Variants in ENTPD4 observed in about 807,000 individuals in gnomAD.
ENTPD4 encodes ectonucleoside triphosphate diphosphohydrolase 4, also known as Golgi UDPase.
In ENTPD4, 60 loss-of-function variants were observed where a neutral mutation model predicts 79.1. The observed-to-expected ratio is 0.76, with a 90% CI of 0.62 to 0.94. The LOEUF is 0.94. ENTPD4 is among the 40% of genes least tolerant of loss of function. The pLI is 0.00. For missense variants in ENTPD4, 772 were observed against 775.1 expected (o/e 1.00, Z 0.05); for synonymous variants, 276 against 292.0 (o/e 0.95, Z 0.56).
intron 4 of ENTPD4, 45 bp from the exon 5 acceptor site, chr8:23,444,651 A>G (rs2272640): frequency 0.34 from 525,950 of 1,564,978 alleles, 92,932 homozygotes; most frequent in African/African-American, 0.63. Flanking sequence ...TATTTTAGCT[A>G]TAACATGTGA....
intron 11 of ENTPD4, among the ~76,000 whole-genome samples, chr8:23,435,121 G>A (rs1047519271): frequency 6.6e-6 from 1 of 152,214 alleles, no homozygotes; most frequent in Non-Finnish European, 1.5e-5. Context: ...ACAGCCTCTG[G>A]CTGGACTCTG....
chr8:23,441,168 AATC>A (rs1182881107), intron 8 of ENTPD4, among the ~76,000 whole-genome samples: 1 of 152,186 alleles, frequency 6.6e-6, no homozygotes, highest in African/African-American at 2.4e-5. Context: ...TACAAACCTC[AATC>A]TTCCCCAAGG....
chr8:23,441,819 T>C (rs1800676865), intron 7 of ENTPD4, 96 bp from the exon 8 acceptor site: 3 of 1,419,576 alleles, frequency 2.1e-6, no homozygotes, highest in South Asian at 1.3e-5. Context: ...ATTTCAAGCA[T>C]ATTCAGGCAA....
chr8:23,449,811 C>G, intron 2 of ENTPD4, 82 bp downstream of exon 2: 1 of 1,236,750 alleles, frequency 8.1e-7, no homozygotes, highest in East Asian at 2.3e-5. Context: ...TTTTCACTTG[C>G]GATTTAGATT....
rs1280652267 is a variant in ENTPD4 at position 23,430,305 on chromosome 8, T to C, written c.*2621A>G. 2 of 985,350 alleles carry C rather than the reference T, an allele frequency of 2.0e-6. No homozygotes were observed. The highest frequency in any genetic ancestry group is 2.4e-6 in the Non-Finnish European group (2 of 829,950). 61.0% of individuals were successfully genotyped at this position (985,350 alleles called of 1,614,324 possible). ...TTGGGTGAGGGGCAGGTTTCTTGGT[T>C]TGTTTCAAAACTCATCTTGAAAATA... is the stretch of plus-strand genomic sequence containing the variant. On this transcript the variant is annotated 3_prime_UTR_variant, in exon 13 of 13. Coordinates refer to ENST00000358689, the MANE Select transcript of ENTPD4 (RefSeq NM_004901.5).
Position 23,431,638 on chromosome 8 carries a change from G to A in ENTPD4, c.*1288C>T. Reference sequence around the variant, plus strand: ...TGCGGTTAGGAAGAGGACTCGGCAGGCTGTGCATGGGGTCTCCCAGTACGA... The same window carrying A: ...TGCGGTTAGGAAGAGGACTCGGCAGACTGTGCATGGGGTCTCCCAGTACGA... On this transcript the variant is annotated 3_prime_UTR_variant, in exon 13 of 13. Transcript: ENST00000358689. 5 of 985,426 alleles carry A rather than the reference G, an allele frequency of 5.1e-6. No individual in the cohort carries two copies. The highest frequency in any genetic ancestry group is 4.8e-6 in the Non-Finnish European group (4 of 829,934). 61.0% of individuals were successfully genotyped at this position (985,426 alleles called of 1,614,324 possible). A position where few individuals can be genotyped will look rare whatever the true frequency, so the allele number is the denominator to read the frequency against.
At position 23,432,968 on chromosome 8, in the gene ENTPD4, C is replaced by T. The variant is rs1413864075; in HGVS notation, c.1809G>A (p.Met603Ile). ...CATTCTGGGCGGGAAGGCCCTCCTC[C>T]ATCCAGAGGGCGGCGGCCGAGCTGC... ...PRSSSAAALW[M>I]EEGLPAQNAP... The change falls in exon 13 of 13, where the codon ATG (methionine) becomes ATA (isoleucine). Residue 603 changes from methionine (M) to isoleucine (I), a missense_variant. Physicochemically the swap from Met to Ile is conservative, Grantham distance 10. Coordinates refer to ENST00000358689, the MANE Select transcript of ENTPD4 (RefSeq NM_004901.5). 2 of 1,612,816 alleles carry T rather than the reference C, an allele frequency of 1.2e-6. No homozygotes were observed. The highest frequency in any genetic ancestry group is 1.1e-5 in the South Asian group (1 of 90,934).
At position 23,432,980 on chromosome 8, in the gene ENTPD4, G is replaced by T. The variant is rs778905365; in HGVS notation, c.1797C>A (p.Ala599=). ...HRRTPRSSSA[A]ALWMEEGLPA... is the part of the protein sequence containing the mutation. The stretch of plus-strand genomic sequence containing the variant: ...GAAGGCCCTCCTCCATCCAGAGGGC[G>T]GCGGCCGAGCTGCTCCGGGGAGTGC... Residue 599 remains alanine (A), a synonymous_variant, in exon 13 of 13, where the codon GCC becomes GCA. Transcript: ENST00000358689. 5 of 1,613,280 alleles carry T rather than the reference G, an allele frequency of 3.1e-6. No homozygotes were observed. The highest frequency in any genetic ancestry group is 4.5e-5 in the East Asian group (2 of 44,862).
intron 1 of ENTPD4, among the ~76,000 whole-genome samples, chr8:23,456,702 C>A (rs972150286): frequency 6.6e-6 from 1 of 152,170 alleles, no homozygotes; most frequent in African/African-American, 2.4e-5. Context: ...AAACCTGATA[C>A]AAAAACATCA....
chr8:23,454,806 C>G (rs1320519028), intron 1 of ENTPD4, among the ~76,000 whole-genome samples: 2 of 152,000 alleles, frequency 1.3e-5, no homozygotes, highest in Admixed American at 6.6e-5. Context: ...GAAAATAGGA[C>G]AGCTTATAAC....
At chr8:23,449,347 G>A (rs1444264522) in intron 2 of ENTPD4, among the ~76,000 whole-genome samples, 3 of 152,190 alleles carry the variant, frequency 2.0e-5, no homozygotes, top group East Asian at 1.9e-4. Flanking sequence ...AAGGCATGTC[G>A]TAAGCTGGGC....
chr8:23,438,054 A>G (rs1800603206), intron 9 of ENTPD4, among the ~76,000 whole-genome samples: 1 of 152,222 alleles, frequency 6.6e-6, no homozygotes, highest in African/African-American at 2.4e-5. Flanking sequence ...GATGCCCTGT[A>G]GAAAATAAAC....
intron 7 of ENTPD4, 24 bp downstream of exon 7, chr8:23,441,983 A>C: frequency 6.3e-7 from 1 of 1,592,950 alleles, no homozygotes. Context: ...AACTAGATAC[A>C]TTTGTTGGAA....
intron 7 of ENTPD4, 120 bp from the exon 8 acceptor site, chr8:23,441,843 C>G (rs1402735524): frequency 6.5e-6 from 8 of 1,239,392 alleles, no homozygotes; most frequent in Non-Finnish European, 9.1e-6. Flanking sequence ...CAGTCTACTC[C>G]TCCCAACTAA....
At position 23,437,232 on chromosome 8, in the gene ENTPD4, G is replaced by A; in HGVS notation, c.1076C>T (p.Thr359Ile). 1 of 1,610,904 alleles carries A rather than the reference G, an allele frequency of 6.2e-7. No individual in the cohort carries two copies. Among genetic ancestry groups the A allele is most frequent in the Non-Finnish European group, 8.5e-7 (1 of 1,178,196 alleles). The part of the protein sequence containing the change: ...NRLLGKQTGL[T>I]PDMPYLDPCL... ...GGGGTCCAAGTACGGCATATCAGGA[G>A]TCAGACCAGTCTGTTTACCCAGGAG... is the stretch of plus-strand genomic sequence containing the variant. Residue 359 changes from threonine (T) to isoleucine (I), a missense_variant, in exon 10 of 13, where the codon ACT (threonine) becomes ATT (isoleucine). Thr to Ile is a moderately conservative substitution (Grantham distance 89, BLOSUM62 -1). Transcript: ENST00000358689.
chr8:23,434,766 A>C, intron 11 of ENTPD4: 1 of 1,187,442 alleles, frequency 8.4e-7, no homozygotes, highest in Non-Finnish European at 1.1e-6. Context: ...CTGGCATTTC[A>C]CCATGTACTC....
At chr8:23,451,265 C>T (rs575510596) in intron 1 of ENTPD4, among the ~76,000 whole-genome samples, 7 of 152,274 alleles carry the variant, frequency 4.6e-5, no homozygotes, top group African/African-American at 1.2e-4. Flanking sequence ...GGTGATCTGC[C>T]GGCCTCAGCC....
chr8:23,453,373 AAAAC>A (rs1164056085), intron 1 of ENTPD4, among the ~76,000 whole-genome samples: 7 of 152,232 alleles, frequency 4.6e-5, no homozygotes, highest in Admixed American at 3.3e-4. Context: ...CTGTGTGCTT[AAAAC>A]AAACAAAAAA....
chr8:23,438,801 C>T (rs894078475), intron 9 of ENTPD4, among the ~76,000 whole-genome samples: 2 of 152,156 alleles, frequency 1.3e-5, no homozygotes, highest in Non-Finnish European at 2.9e-5. Flanking sequence ...TTGGAAGAGA[C>T]ACAGGAAAAG....
Sources: gnomAD v4.1 joint callset for allele counts (sites outside exome capture counted in the v4.1 genomes callset) on GRCh38, gnomAD v4.1.1 for gene constraint, MANE v1.5 for transcripts, NCBI Gene and HGNC (gene_info 2026-07-23, HGNC 2026-07-21) for gene names.